Variants in ANKS1A observed in about 807,000 individuals in gnomAD.
ANKS1A encodes ankyrin repeat and sterile alpha motif domain containing 1A.
A neutral mutation model predicts 120.3 loss-of-function variants in ANKS1A; 55 were observed. The observed-to-expected ratio is 0.46, with a 90% confidence interval of 0.37 to 0.57. ANKS1A has a LOEUF of 0.57. Ranked by LOEUF, ANKS1A falls within the 20% of genes least tolerant of loss-of-function variation. ANKS1A has a pLI of 0.00. For missense variants in ANKS1A, 1,123 were observed against 1,480.3 expected, an observed-to-expected ratio of 0.76 and a Z score of 3.96; for synonymous variants, 590 against 604.7, an observed-to-expected ratio of 0.98 and a Z score of 0.36.
intron 1 of ANKS1A, among the ~76,000 whole-genome samples, chr6:34,914,620 C>A (rs1768070079): frequency 1.3e-5 from 2 of 152,016 alleles, no homozygotes; most frequent in South Asian, 4.2e-4. Context: ...ATGTGTTGGC[C>A]CCTTTTCTTG....
chr6:35,094,959 G>GTA (rs1434889462), downstream of ANKS1A, among the ~76,000 whole-genome samples: 1 of 151,548 alleles, frequency 6.6e-6, no homozygotes, highest in Non-Finnish European at 1.5e-5. Context: ...GGGCAACATA[G>GTA]TGGGACCCTG....
intron 8 of ANKS1A, among the ~76,000 whole-genome samples, chr6:34,986,809 G>A (rs2127531409): frequency 6.6e-6 from 1 of 152,348 alleles, no homozygotes; most frequent in South Asian, 2.1e-4. Flanking sequence ...CATGTGCTGA[G>A]CACCACCAGT....
intron 23 of ANKS1A, among the ~76,000 whole-genome samples, chr6:35,088,093 C>T (rs1778091493): frequency 1.3e-5 from 2 of 152,260 alleles, no homozygotes; most frequent in African/African-American, 2.4e-5. Flanking sequence ...CTGACACTCT[C>T]CACGGTGGGG....
At chr6:35,028,190 A>G (rs1774724704) in intron 11 of ANKS1A, among the ~76,000 whole-genome samples, 1 of 152,200 alleles carries the variant, frequency 6.6e-6, no homozygotes, top group South Asian at 2.1e-4. Context: ...ACTTCCCCCA[A>G]AAGCATGGAA....
chr6:35,083,311 C>A, intron 19 of ANKS1A, 85 bp downstream of exon 19: 1 of 1,589,906 alleles, frequency 6.3e-7, no homozygotes, highest in Non-Finnish European at 8.6e-7. Flanking sequence ...GTTGCCTGGG[C>A]CCTGCTGCAC....
rs905493776 is a variant in ANKS1A, at chr6:35,029,641, C to T, written c.2010+11582C>T. Among the ~76,000 whole-genome samples, 36 of 151,314 alleles carry T rather than the reference C, an allele frequency of 2.4e-4. 1 individual carries two copies. Among genetic ancestry groups the T allele is most frequent in the Admixed American group, 1.4e-3 (21 of 15,188 alleles). On this transcript the variant is annotated intron_variant, in intron 11 of 23. Transcript: ENST00000360359. ...CTGGGATTACAGGCGTGAGCCACGG[C>T]GCCCAGTCGACTTCTGCATTTTGTA...
rs1778287448 is a variant in ANKS1A, at chr6:35,091,174, A to ATGAC, written c.*2567_*2570dup. ...TTTGTCTCTGTATTTTGATACTTGAATGACTTTCCCTTTTGTTTTACTGTA... is the reference window on the plus strand; with the variant it reads ...TTTGTCTCTGTATTTTGATACTTGAATGACTGACTTTCCCTTTTGTTTTACTGTA... On this transcript the variant is annotated 3_prime_UTR_variant, in exon 24 of 24. Transcript: ENST00000360359. The ATGAC allele has an allele frequency of 1.0e-6, 1 of 985,894 alleles. No individual in the cohort carries two copies. Among genetic ancestry groups the ATGAC allele is most frequent in the African/African-American group, 1.7e-5 (1 of 57,372 alleles). 61.1% of individuals were successfully genotyped at this position (985,894 alleles called of 1,614,324 possible).
At chr6:35,081,679 G>T (rs142666091) in intron 17 of ANKS1A, among the ~76,000 whole-genome samples, 174 of 152,336 alleles carry the variant, frequency 1.1e-3, no homozygotes, top group Non-Finnish European at 2.2e-3. Flanking sequence ...GCAGCCCCGT[G>T]GGGGGCACCG....
chr6:35,049,735 T>G, intron 11 of ANKS1A, among the ~76,000 whole-genome samples: 1 of 152,206 alleles, frequency 6.6e-6, no homozygotes, highest in East Asian at 1.9e-4. Flanking sequence ...AGGAAAGTGA[T>G]TCCTTTCCCA....
chr6:34,999,539 A>G (rs1773041146), intron 10 of ANKS1A, among the ~76,000 whole-genome samples: 1 of 152,334 alleles, frequency 6.6e-6, no homozygotes, highest in South Asian at 2.1e-4. Context: ...AACTATGTTG[A>G]AAAATTTCAA....
At position 34,928,068 on chromosome 6, in the gene ANKS1A, C is replaced by T. The variant is rs561744219; in HGVS notation, c.197+38469C>T. Among the ~76,000 whole-genome samples the T allele has an allele frequency of 4.1e-3, 624 of 152,308 alleles. 4 individuals carry two copies. The highest frequency in any genetic ancestry group is 0.013 in the African/African-American group (549 of 41,552). On this transcript the variant is annotated intron_variant, in intron 1 of 23. Coordinates refer to ENST00000360359, the MANE Select transcript of ANKS1A (RefSeq NM_015245.3). ...TCTTAGTGGCTACTATTCAACCTTA[C>T]TGCCAGCTCCCTCTGATCCTCTTGA...
chr6:35,065,915 C>T (rs1446433772), intron 13 of ANKS1A, among the ~76,000 whole-genome samples: 3 of 152,174 alleles, frequency 2.0e-5, no homozygotes, highest in African/African-American at 7.2e-5. Context: ...TGCTTCTACC[C>T]GCCTCCTCCC....
chr6:34,892,904 T>C (rs1465704737), intron 1 of ANKS1A, among the ~76,000 whole-genome samples: 3 of 152,180 alleles, frequency 2.0e-5, no homozygotes, highest in Non-Finnish European at 4.4e-5. Flanking sequence ...GAAAAACATG[T>C]TGTTACAAAC....
intron 1 of ANKS1A, among the ~76,000 whole-genome samples, chr6:34,933,522 C>T (rs540699757): frequency 2.6e-5 from 4 of 152,264 alleles, no homozygotes; most frequent in Non-Finnish European, 5.9e-5. Context: ...AGGCATGGGC[C>T]ACCACGCCCG....
At chr6:35,004,742 C>T (rs1391270621) in intron 10 of ANKS1A, among the ~76,000 whole-genome samples, 1 of 151,942 alleles carries the variant, frequency 6.6e-6, no homozygotes, top group Non-Finnish European at 1.5e-5. Flanking sequence ...AGTGAGACCC[C>T]ATCTCTGCAA....
intron 1 of ANKS1A, among the ~76,000 whole-genome samples, chr6:34,966,390 G>GA (rs373020068): frequency 2.3e-4 from 35 of 151,618 alleles, no homozygotes; most frequent in Non-Finnish European, 4.6e-4. Context: ...CTTTTTGGGG[G>GA]AAAAAAAATA....
intron 1 of ANKS1A, among the ~76,000 whole-genome samples, chr6:34,941,229 G>A (rs914614466): frequency 1.1e-4 from 16 of 152,086 alleles, no homozygotes; most frequent in African/African-American, 3.4e-4. Flanking sequence ...CTTGTGATCG[G>A]CCTGCCTTGG....
At chr6:34,935,871 G>A (rs1040639030) in intron 1 of ANKS1A, among the ~76,000 whole-genome samples, 1 of 151,470 alleles carries the variant, frequency 6.6e-6, no homozygotes, top group Non-Finnish European at 1.5e-5. Context: ...GACCATCCCG[G>A]CTAAAACGGT....
At chr6:34,971,660 A>G (rs1238484030) in intron 3 of ANKS1A, among the ~76,000 whole-genome samples, 3 of 152,206 alleles carry the variant, frequency 2.0e-5, no homozygotes, top group East Asian at 3.8e-4. Context: ...CCCTCAAAAA[A>G]TAGGAAATTA....
Sources: gnomAD v4.1 joint callset for allele counts (sites outside exome capture counted in the v4.1 genomes callset) on GRCh38, gnomAD v4.1.1 for gene constraint, MANE v1.5 for transcripts, NCBI Gene and HGNC (gene_info 2026-07-23, HGNC 2026-07-21) for gene names.